TBCK: variants seen among roughly 807,000 people sequenced by gnomAD.
TBCK encodes TBC domain-containing protein kinase-like protein.
TBCK carries 99 observed loss-of-function variants against 113.4 expected under a neutral mutation model. That is an observed-to-expected ratio of 0.87 (90% CI 0.74 to 1.03). The LOEUF (loss-of-function observed/expected upper bound fraction) is 1.03. Among genes scored for constraint, TBCK ranks in the 50% least tolerant of loss-of-function variants. The pLI, the probability that TBCK is intolerant of heterozygous loss-of-function variation, is 0.00. For missense variants in TBCK, 1,045 were observed against 1,061.3 expected, an observed-to-expected ratio of 0.98 and a Z score of 0.21; for synonymous variants, 369 against 370.8, an observed-to-expected ratio of 1.00 and a Z score of 0.05.
chr4:106,047,258 T>A (rs1734319468), intron 25 of TBCK, among the ~76,000 whole-genome samples: 1 of 152,202 alleles, frequency 6.6e-6, no homozygotes, highest in Non-Finnish European at 1.5e-5. Context: ...ACAAGAGGAC[T>A]TTGTAAAAGT....
Position 106,193,711 on chromosome 4 carries a change from A to C in TBCK, c.1957T>G (p.Ser653Ala), listed in dbSNP as rs767007767. The change falls in exon 22 of 26, where the codon TCT becomes GCT. Residue 653 changes from serine to alanine, a missense_variant. Ser to Ala is a moderately conservative substitution (Grantham distance 99). Transcript: ENST00000394708. The part of the protein sequence containing the change: ...LWDTLLLGNS[S>A]FPFCIGVAIL... Reference sequence around the variant, plus strand: ...GCTACTCCAATACAGAATGGGAAAGAGGAATTCCCAAGTAGTAAGGTATCC... The same window carrying C: ...GCTACTCCAATACAGAATGGGAAAGCGGAATTCCCAAGTAGTAAGGTATCC... The C allele has an allele frequency of 6.8e-6, 11 of 1,611,528 alleles. No individual in the cohort carries two copies. The South Asian group carries it at 1.2e-4, about 18-fold the overall frequency.
chr4:106,050,794 G>A (rs1734720889), intron 25 of TBCK, among the ~76,000 whole-genome samples: 1 of 151,968 alleles, frequency 6.6e-6, no homozygotes, highest in Admixed American at 6.6e-5. Flanking sequence ...GATATCTCCT[G>A]GCACAGTATC....
intron 23 of TBCK, among the ~76,000 whole-genome samples, chr4:106,120,293 C>T (rs1560675887): frequency 6.6e-6 from 1 of 152,122 alleles, no homozygotes; most frequent in Non-Finnish European, 1.5e-5. Flanking sequence ...GATTATATCC[C>T]GCACCTGGCT....
chr4:106,153,909 T>C lies in TBCK; in HGVS notation c.2235+17186A>G, dbSNP rs531586077. Among the ~76,000 whole-genome samples, 603 of 151,588 alleles carry C rather than the reference T, an allele frequency of 4.0e-3. 1 individual carries two copies. The highest frequency in any genetic ancestry group is 6.5e-3 in the Non-Finnish European group (439 of 67,968). ...TTTTTTGGTTTCCATTGGCATGCAA[T>C]ATCTTTTTCCATCCCCTTATTTTTA... On this transcript the variant is annotated intron_variant, in intron 23 of 25. Coordinates refer to ENST00000394708, the MANE Select transcript of TBCK (RefSeq NM_001163435.3).
At chr4:106,111,526 T>G (rs1417373903) in intron 24 of TBCK, among the ~76,000 whole-genome samples, 2 of 152,242 alleles carry the variant, frequency 1.3e-5, no homozygotes, top group African/African-American at 4.8e-5. Context: ...CCTCAAGGAA[T>G]GCTGAACAGT....
chr4:106,215,836 G>A (rs1247515420), intron 19 of TBCK, among the ~76,000 whole-genome samples: 2 of 151,416 alleles, frequency 1.3e-5, no homozygotes, highest in African/African-American at 2.4e-5. Flanking sequence ...GGATACCCAG[G>A]AATTGAACTC....
intron 25 of TBCK, among the ~76,000 whole-genome samples, chr4:106,049,389 T>G (rs1379031243): frequency 6.6e-6 from 1 of 152,038 alleles, no homozygotes; most frequent in Non-Finnish European, 1.5e-5. Flanking sequence ...TTCTTTCTTC[T>G]TTCCTTTTAT....
chr4:106,214,588 T>C (rs1404265397), intron 19 of TBCK, among the ~76,000 whole-genome samples: 5 of 152,140 alleles, frequency 3.3e-5, no homozygotes, highest in African/African-American at 1.2e-4. Context: ...CAGGAGCCGA[T>C]GCGATCAACT....
intron 24 of TBCK, among the ~76,000 whole-genome samples, chr4:106,109,688 G>C (rs1230585035): frequency 3.3e-5 from 5 of 152,214 alleles, no homozygotes; most frequent in African/African-American, 1.2e-4. Flanking sequence ...AGACAACCTA[G>C]GCAATACCAT....
intron 1 of TBCK, among the ~76,000 whole-genome samples, chr4:106,311,020 T>C (rs1446359584): frequency 6.6e-6 from 1 of 152,066 alleles, no homozygotes; most frequent in Non-Finnish European, 1.5e-5. Flanking sequence ...GAATTGCACA[T>C]TAAAACCACA....
chr4:106,095,694 T>C, intron 24 of TBCK, 53 bp from the exon 25 acceptor site: 4 of 1,523,610 alleles, frequency 2.6e-6, no homozygotes, highest in Non-Finnish European at 3.6e-6. Flanking sequence ...CCTGAGTGTC[T>C]GAGGGAAACT....
chr4:106,072,564 A>G (rs1313950432), intron 25 of TBCK, among the ~76,000 whole-genome samples: 8 of 152,118 alleles, frequency 5.3e-5, no homozygotes, highest in Non-Finnish European at 8.8e-5. Flanking sequence ...TAATCCGAAA[A>G]TTATGTGTGT....
chr4:106,088,762 C>T (rs1560626527), intron 25 of TBCK, among the ~76,000 whole-genome samples: 1 of 152,200 alleles, frequency 6.6e-6, no homozygotes, highest in Non-Finnish European at 1.5e-5. Flanking sequence ...AAAGGAATGA[C>T]ATCATGTCCT....
chr4:106,235,486 T>A, intron 14 of TBCK, 119 bp from the exon 15 acceptor site: 1 of 532,984 alleles, frequency 1.9e-6, no homozygotes, highest in Non-Finnish European at 3.2e-6. Flanking sequence ...TTTCAAAGTA[T>A]GTGCAATTAT....
intron 23 of TBCK, among the ~76,000 whole-genome samples, chr4:106,139,080 A>C (rs1479914262): frequency 7.1e-6 from 1 of 140,570 alleles, no homozygotes; most frequent in Admixed American, 7.0e-5. Context: ...TTGTATACTA[A>C]AGTGATTAGT....
intron 23 of TBCK, among the ~76,000 whole-genome samples, chr4:106,141,137 C>A (rs1747111915): frequency 1.4e-5 from 2 of 139,784 alleles, no homozygotes; most frequent in South Asian, 4.9e-4. Flanking sequence ...ATAAAGATGT[C>A]CACCATTACC....
intron 25 of TBCK, among the ~76,000 whole-genome samples, chr4:106,080,855 C>T (rs1456212345): frequency 2.0e-5 from 3 of 151,822 alleles, no homozygotes; most frequent in Non-Finnish European, 4.4e-5. Context: ...AGAAAGTGGA[C>T]AAAAAACATG....
intron 23 of TBCK, among the ~76,000 whole-genome samples, chr4:106,162,105 T>C (rs999449313): frequency 2.0e-5 from 3 of 151,910 alleles, no homozygotes; most frequent in African/African-American, 7.3e-5. Flanking sequence ...GTACAGGCAA[T>C]AGAAAAATAT....
intron 3 of TBCK, among the ~76,000 whole-genome samples, chr4:106,285,440 T>C (rs1337452204): frequency 6.6e-6 from 1 of 152,130 alleles, no homozygotes; most frequent in Non-Finnish European, 1.5e-5. Flanking sequence ...GACATTTCAG[T>C]ACAATATTGT....
Sources: allele counts gnomAD v4.1 joint callset (sites outside exome capture counted in the v4.1 genomes callset), GRCh38; gene constraint gnomAD v4.1.1; transcripts MANE v1.5; gene names NCBI Gene and HGNC (gene_info 2026-07-23, HGNC 2026-07-21).